The following SNX27 variants were observed in gnomAD, a reference collection of about 807,000 sequenced individuals.
SNX27 encodes sorting nexin 27.
Under a neutral mutation model 71.6 loss-of-function variants are expected in SNX27, and 22 were observed. That is an observed-to-expected ratio of 0.31 (90% confidence interval 0.22 to 0.44). SNX27 has a LOEUF of 0.44. Among genes scored for constraint, SNX27 ranks in the 20% least tolerant of loss-of-function variants. SNX27 has a pLI of 1.00. For missense variants in SNX27, 531 were observed against 698.6 expected, an observed-to-expected ratio of 0.76 and a Z score of 2.70; for synonymous variants, 269 against 277.2, an observed-to-expected ratio of 0.97 and a Z score of 0.29.
chr1:151,616,684 A>G (rs1001491322), intron 1 of SNX27, among the ~76,000 whole-genome samples: 2 of 152,190 alleles, frequency 1.3e-5, no homozygotes, highest in African/African-American at 2.4e-5. Context: ...CTCAATTGCA[A>G]CTGAATTCTA....
rs554642347 is a variant in SNX27, at chr1:151,623,342, T to G, written c.311+10830T>G. ...TTTTTAGTAGAGACGGGGTTTCACC[T>G]TGTTAGCCAGGATGGTCTCTATCTT... On this transcript the variant is annotated intron_variant, in intron 1 of 11. Transcript: ENST00000458013. Among the ~76,000 whole-genome samples, 52 of 152,114 alleles carry G rather than the reference T, an allele frequency of 3.4e-4. No individual in the cohort carries two copies. The East Asian group carries it at 4.4e-3, about 13-fold the overall frequency.
At chr1:151,675,810 C>CTTTCTT (rs1670665258) in intron 7 of SNX27, 7 of 31,482 alleles carry the variant, frequency 2.2e-4, no homozygotes, top group Non-Finnish European at 3.0e-4. Flanking sequence ...TTCTTTCTTT[C>CTTTCTT]TTTTTTTTTT....
Position 151,612,961 on chromosome 1 carries a change from C to T in SNX27, c.311+449C>T, listed in dbSNP as rs571086204. Among the ~76,000 whole-genome samples, 2 of 151,948 alleles carry T rather than the reference C, an allele frequency of 1.3e-5. No homozygotes were observed. The highest frequency in any genetic ancestry group is 4.8e-5 in the African/African-American group (2 of 41,322). On this transcript the variant is annotated intron_variant, in intron 1 of 11. Transcript: ENST00000458013. The surrounding 1 kb of genome is among the most constrained non-coding windows in gnomAD (Gnocchi z 5.2). Reference sequence around the variant, plus strand: ...ATCTTCAGCATCGCAGTTTCGTTCTCCACCACTCCCCTCCGCCCCCGTGGA... The same window carrying T: ...ATCTTCAGCATCGCAGTTTCGTTCTTCACCACTCCCCTCCGCCCCCGTGGA...
At chr1:151,622,472 T>C (rs897329116) in intron 1 of SNX27, among the ~76,000 whole-genome samples, 1 of 152,222 alleles carries the variant, frequency 6.6e-6, no homozygotes, top group Non-Finnish European at 1.5e-5. Context: ...AACTTCAGAA[T>C]TATCAAAATT....
At chr1:151,633,168 G>A (rs1279525138) in intron 1 of SNX27, among the ~76,000 whole-genome samples, 3 of 151,998 alleles carry the variant, frequency 2.0e-5, no homozygotes, top group East Asian at 1.9e-4. Context: ...CACCGCGCTC[G>A]GCCAATAAAC....
At chr1:151,615,156 C>T (rs1290645590) in intron 1 of SNX27, among the ~76,000 whole-genome samples, 1 of 152,220 alleles carries the variant, frequency 6.6e-6, no homozygotes, top group Non-Finnish European at 1.5e-5. Context: ...GAATACTCTG[C>T]CTAGAAGACC....
chr1:151,612,594 G>A lies in SNX27; in HGVS notation c.311+82G>A, dbSNP rs1667229378. 9.6e-7 allele frequency: 1 copy of A among 1,039,688 alleles called. No homozygotes were observed. Among genetic ancestry groups the A allele is most frequent in the African/African-American group, 1.9e-5 (1 of 51,652 alleles). 64.4% of individuals were successfully genotyped at this position (1,039,688 alleles called of 1,614,324 possible). ...CTCCTCGCTACCCTTGTCACCCCCA[G>A]GCCGCACCTCCCCCGAGCTCCGAGC... On this transcript the variant is annotated intron_variant, in intron 1 of 11. Transcript: ENST00000458013. This position sits in a 1 kb window ranked among gnomAD's most constrained non-coding sequence, Gnocchi z 5.2.
intron 2 of SNX27, among the ~76,000 whole-genome samples, chr1:151,646,141 C>T (rs1422620119): frequency 6.6e-6 from 1 of 152,130 alleles, no homozygotes; most frequent in Non-Finnish European, 1.5e-5. Flanking sequence ...GTCTTTCTCT[C>T]ATATAACATA....
chr1:151,629,347 A>G (rs1199883471), intron 1 of SNX27: 1 of 152,020 alleles, frequency 6.6e-6, no homozygotes, highest in East Asian at 1.9e-4. Flanking sequence ...CAGCCCATAT[A>G]GTAAAATTAG....
chr1:151,628,578 T>C (rs560970565), intron 1 of SNX27, among the ~76,000 whole-genome samples: 1 of 152,330 alleles, frequency 6.6e-6, no homozygotes, highest in South Asian at 2.1e-4. Flanking sequence ...CCAAAATGAC[T>C]ATCATTTTGT....
chr1:151,625,709 G>C (rs185122421), intron 1 of SNX27, among the ~76,000 whole-genome samples: 11 of 150,890 alleles, frequency 7.3e-5, no homozygotes, highest in Non-Finnish European at 1.5e-4. Flanking sequence ...CACTTGAACC[G>C]GGGCGGTGGA....
intron 11 of SNX27, chr1:151,693,847 A>T: frequency 7.0e-7 from 1 of 1,431,236 alleles, no homozygotes; most frequent in Non-Finnish European, 9.1e-7. Flanking sequence ...TCTTGACTGG[A>T]TGAGTCCTGG....
At chr1:151,675,927 G>C (rs947749654) in intron 7 of SNX27, 2 of 138,124 alleles carry the variant, frequency 1.4e-5, no homozygotes, top group African/African-American at 5.4e-5. Flanking sequence ...CTTGGGCTCA[G>C]GTGATCCTGC....
chr1:151,662,142 A>G, intron 4 of SNX27, 24 bp from the exon 5 acceptor site: 1 of 1,556,622 alleles, frequency 6.4e-7, no homozygotes, highest in Non-Finnish European at 8.9e-7. Context: ...GCCATAAATT[A>G]TTTCTCTATG....
chr1:151,693,933 C>T (rs2102746107), intron 11 of SNX27: 2 of 1,324,720 alleles, frequency 1.5e-6, no homozygotes, highest in South Asian at 4.2e-5. Context: ...TCTGTATGTG[C>T]CAGTGCTGGA....
chr1:151,632,060 A>T (rs1481934679), intron 1 of SNX27, among the ~76,000 whole-genome samples: 1 of 152,186 alleles, frequency 6.6e-6, no homozygotes, highest in African/African-American at 2.4e-5. Context: ...GTATTTTTGC[A>T]GTGTTTGATG....
At chr1:151,622,359 A>G (rs1388576751) in intron 1 of SNX27, among the ~76,000 whole-genome samples, 1 of 152,274 alleles carries the variant, frequency 6.6e-6, no homozygotes, top group East Asian at 1.9e-4. Flanking sequence ...GGTGGTTGAG[A>G]TTCAGGGTTC....
At position 151,662,202 on chromosome 1, in the gene SNX27, G is replaced by A. The variant is rs1669991933; in HGVS notation, c.838G>A (p.Ala280Thr). 1 of 1,613,518 alleles carries A rather than the reference G, an allele frequency of 6.2e-7. No homozygotes were observed. The highest frequency in any genetic ancestry group is 8.5e-7 in the Non-Finnish European group (1 of 1,179,742). ...TGTGTCCGACGTAGAGCTGAGAGTA[G>A]CATTACCAGATGGAACAACGGTTAC... ...NGVSDVELRV[A>T]LPDGTTVTVR... The change falls in exon 5 of 12, where the codon GCA becomes ACA. Residue 280 changes from alanine to threonine, a missense_variant. Ala to Thr is a moderately conservative substitution (Grantham distance 58). Transcript: ENST00000458013.
rs1671733063 is a variant in SNX27, at chr1:151,696,515, TTCTTTCG to T, written c.*2100_*2106del. ...TTTCTTTCTTTCTTTCGTTCTTTCG[TTCTTTCG>T]TTCTTTCTTTCTTTCTTTCTTTCTC... On this transcript the variant is annotated 3_prime_UTR_variant, in exon 12 of 12. Transcript: ENST00000458013. 1.4e-5 allele frequency: 2 copies of T among 142,754 alleles called. No individual in the cohort carries two copies. The highest frequency in any genetic ancestry group is 2.8e-5 in the African/African-American group (1 of 35,762). 8.8% of individuals were successfully genotyped at this position (142,754 alleles called of 1,614,324 possible).
Sources: gnomAD v4.1 joint callset for allele counts (sites outside exome capture counted in the v4.1 genomes callset) on GRCh38, gnomAD v4.1.1 for gene constraint, Gnocchi (gnomAD v3.1) non-coding constraint, MANE v1.5 for transcripts, NCBI Gene and HGNC (gene_info 2026-07-23, HGNC 2026-07-21) for gene names.